MVB12B: variants seen among roughly 807,000 people sequenced by gnomAD.
The protein encoded by MVB12B is multivesicular body subunit 12B.
A neutral mutation model predicts 41.6 loss-of-function variants in MVB12B; 16 were observed. The ratio of observed to expected loss-of-function variants is 0.38; its 90% CI spans 0.26 to 0.58. The LOEUF (loss-of-function observed/expected upper bound fraction) is 0.58. MVB12B is among the 20% of genes least tolerant of loss of function. The pLI, the probability that MVB12B is intolerant of heterozygous loss-of-function variation, is 0.62. For synonymous variants in MVB12B, 133 were observed against 139.7 expected (o/e 0.95, Z 0.34); for missense variants, 274 against 380.2 (o/e 0.72, Z 2.32).
Position 126,480,339 on chromosome 9 carries a change from G to A in MVB12B, c.758-1030G>A, listed in dbSNP as rs768065349. Reference sequence around the variant, plus strand: ...GTCCCAGCAGCCGCATGGCTGCCACGTTGGCTCTGTGAATGCCGGCATCAC... The same window carrying A: ...GTCCCAGCAGCCGCATGGCTGCCACATTGGCTCTGTGAATGCCGGCATCAC... On this transcript the variant is annotated intron_variant, in intron 7 of 9. Transcript: ENST00000361171. This position sits in a 1 kb window ranked among gnomAD's most constrained non-coding sequence, Gnocchi z 4.9. 4.6e-5 allele frequency among the ~76,000 whole-genome samples: 7 copies of A among 152,208 alleles called. No homozygotes were observed. The highest frequency in any genetic ancestry group is 1.4e-4 in the African/African-American group (6 of 41,440).
chr9:126,350,570 C>T (rs756205405), intron 2 of MVB12B, among the ~76,000 whole-genome samples: 4 of 152,216 alleles, frequency 2.6e-5, no homozygotes, highest in Non-Finnish European at 4.4e-5. Context: ...GGTGAAGATT[C>T]AGCAGAGTCC....
chr9:126,347,380 C>G (rs1401758631), intron 2 of MVB12B, among the ~76,000 whole-genome samples: 1 of 152,238 alleles, frequency 6.6e-6, no homozygotes, highest in African/African-American at 2.4e-5. Context: ...GTCTCTTTCT[C>G]TCAACACTAT....
At chr9:126,420,808 G>A (rs1831989785) in intron 6 of MVB12B, among the ~76,000 whole-genome samples, 1 of 151,960 alleles carries the variant, frequency 6.6e-6, no homozygotes, top group South Asian at 2.1e-4. Flanking sequence ...CTCCCAGAGT[G>A]CTGGGATTAT....
intron 2 of MVB12B, among the ~76,000 whole-genome samples, chr9:126,343,952 A>C (rs891921034): frequency 1.3e-5 from 2 of 152,018 alleles, no homozygotes; most frequent in African/African-American, 4.8e-5. Context: ...AAATGCCTAC[A>C]ACTCAGAGAC....
intron 2 of MVB12B, among the ~76,000 whole-genome samples, chr9:126,366,407 A>G (rs1178522761): frequency 6.6e-6 from 1 of 151,680 alleles, no homozygotes; most frequent in African/African-American, 2.4e-5. Flanking sequence ...TATGTAGAAG[A>G]TGTTAAAAAG....
chr9:126,372,993 T>A (rs1830383805), intron 2 of MVB12B, among the ~76,000 whole-genome samples: 1 of 152,126 alleles, frequency 6.6e-6, no homozygotes, highest in Non-Finnish European at 1.5e-5. Flanking sequence ...GTACTAGGGT[T>A]AGACATAGAG....
chr9:126,352,745 C>T (rs1034054153), intron 2 of MVB12B, among the ~76,000 whole-genome samples: 58 of 152,272 alleles, frequency 3.8e-4, no homozygotes, highest in African/African-American at 1.3e-3. Flanking sequence ...AGTATATTTA[C>T]TCCATATTCC....
intron 9 of MVB12B, among the ~76,000 whole-genome samples, chr9:126,501,542 C>T (rs1410254324): frequency 1.3e-5 from 2 of 152,208 alleles, no homozygotes; most frequent in African/African-American, 4.8e-5. Flanking sequence ...CCATCTGTCC[C>T]GGGTCAGCCT....
rs570065154 is a variant in MVB12B at position 126,503,584 on chromosome 9, G to A, written c.*321G>A. ...ACCACGGAGTCACCCTGAGGGCCCC[G>A]GGCAGTTGCCCTGGCCGCCCAGTGA... On this transcript the variant is annotated 3_prime_UTR_variant, in exon 10 of 10. Transcript: ENST00000361171. 1.8e-5 allele frequency: 7 copies of A among 394,020 alleles called. No homozygotes were observed. The highest frequency in any genetic ancestry group is 6.8e-4 in the Middle Eastern group (1 of 1,460). The allele number at this position is 394,020 out of a possible 1,614,324, so 24.4% of individuals were successfully genotyped here.
At chr9:126,432,249 A>T (rs1308097608) in intron 7 of MVB12B, among the ~76,000 whole-genome samples, 1 of 152,226 alleles carries the variant, frequency 6.6e-6, no homozygotes, top group Non-Finnish European at 1.5e-5. Flanking sequence ...GCATAATTGT[A>T]GACCTGGCCA....
chr9:126,452,765 A>G (rs951671244), intron 7 of MVB12B, among the ~76,000 whole-genome samples: 2 of 151,954 alleles, frequency 1.3e-5, no homozygotes, highest in African/African-American at 4.8e-5. Flanking sequence ...GGCTGAAGTA[A>G]TTGGGATGTC....
Position 126,484,016 on chromosome 9 carries a change from C to A in MVB12B, c.857C>A (p.Ala286Glu), listed in dbSNP as rs762380210. The A allele has an allele frequency of 6.2e-6, 10 of 1,613,872 alleles. No homozygotes were observed. The highest frequency in any genetic ancestry group is 8.5e-6 in the Non-Finnish European group (10 of 1,180,022). Residue 286 changes from alanine to glutamate, a missense_variant, in exon 9 of 10, where the codon GCA becomes GAA. Ala to Glu is a moderately radical substitution (Grantham distance 107). Transcript: ENST00000361171. ...CTGGGAATCACCATCAAATCTCTAG[C>A]AGAAATCGAAAAAGAGGTAAGCAAG... ...DLLGITIKSL[A>E]EIEKEYEYSF...
rs934733488 is a variant in MVB12B at position 126,367,833 on chromosome 9, C to T, written c.205-13231C>T. ...GTGGAGGTCAAACCCAGGTCTCCTG[C>T]CTCTGTGTGGCTCTCTTCCCTGCGC... On this transcript the variant is annotated intron_variant, in intron 2 of 9. Transcript: ENST00000361171. The surrounding 1 kb of genome is among the most constrained non-coding windows in gnomAD (Gnocchi z 4.3). Among the ~76,000 whole-genome samples the T allele has an allele frequency of 2.0e-5, 3 of 152,214 alleles. No individual in the cohort carries two copies. Among genetic ancestry groups the T allele is most frequent in the Non-Finnish European group, 4.4e-5 (3 of 68,034 alleles).
In MVB12B at chr9:126,503,758, G is replaced by A. The variant is rs1834011804; in HGVS notation, c.*495G>A. On this transcript the variant is annotated 3_prime_UTR_variant, in exon 10 of 10. Coordinates refer to ENST00000361171, the MANE Select transcript of MVB12B (RefSeq NM_033446.3). Reference sequence around the variant, plus strand: ...ATCCTCCCCGGCCCAGGGCTGCCAGGAACAAGTTCCTCTCTGCAGGATCTC... The same window carrying A: ...ATCCTCCCCGGCCCAGGGCTGCCAGAAACAAGTTCCTCTCTGCAGGATCTC... 1 of 160,974 alleles carries A rather than the reference G, an allele frequency of 6.2e-6. No homozygotes were observed. The highest frequency in any genetic ancestry group is 2.4e-5 in the African/African-American group (1 of 41,590). 10.0% of individuals were successfully genotyped at this position (160,974 alleles called of 1,614,324 possible).
At chr9:126,375,363 C>T (rs115160676) in intron 2 of MVB12B, among the ~76,000 whole-genome samples, 407 of 105,082 alleles carry the variant, frequency 3.9e-3, no homozygotes, top group South Asian at 6.5e-3. Flanking sequence ...TAAATTGATT[C>T]TTTTTTTTTT....
At chr9:126,413,852 G>GTGTGTGTGTGTA (rs869062833) in intron 6 of MVB12B, among the ~76,000 whole-genome samples, 1 of 142,582 alleles carries the variant, frequency 7.0e-6, no homozygotes, top group African/African-American at 2.5e-5. Context: ...GTGTGTGTGT[G>GTGTGTGTGTGTA]TATAAGGGTT....
chr9:126,393,798 A>G (rs574831846), intron 5 of MVB12B, among the ~76,000 whole-genome samples: 12 of 152,334 alleles, frequency 7.9e-5, no homozygotes, highest in Non-Finnish European at 1.5e-4. Context: ...GGCAGGGGCC[A>G]TGTGTTTCCC....
chr9:126,448,034 T>A (rs1298104915), intron 7 of MVB12B: 1 of 152,630 alleles, frequency 6.6e-6, no homozygotes, highest in African/African-American at 2.4e-5. Context: ...AGGTGAGGCT[T>A]CTCCTCCAGG....
intron 5 of MVB12B, among the ~76,000 whole-genome samples, chr9:126,394,557 G>T (rs1588136324): frequency 1.3e-5 from 2 of 152,250 alleles, no homozygotes; most frequent in South Asian, 2.1e-4. Context: ...TTAAAAGCGG[G>T]CACAGTTCTA....
Sources: allele counts gnomAD v4.1 joint callset (sites outside exome capture counted in the v4.1 genomes callset), GRCh38; gene constraint gnomAD v4.1.1; non-coding constraint Gnocchi (gnomAD v3.1); transcripts MANE v1.5; gene names NCBI Gene and HGNC (gene_info 2026-07-23, HGNC 2026-07-21).